TCF4: variants seen among roughly 807,000 people sequenced by gnomAD.
The protein encoded by TCF4 is SL3-3 enhancer factor 2.
In TCF4, 3 loss-of-function variants were observed where a neutral mutation model predicts 82.1. That is an observed-to-expected ratio of 0.04 (90% CI 0.02 to 0.09). The LOEUF (loss-of-function observed/expected upper bound fraction) is 0.09, where lower values mean the gene tolerates loss of function less well. Ranked by LOEUF, TCF4 falls within the 10% of genes least tolerant of loss-of-function variation. TCF4 has a pLI of 1.00. For missense variants in TCF4, 518 were observed against 852.7 expected, an observed-to-expected ratio of 0.61 and a Z score of 4.89; for synonymous variants, 276 against 309.6, an observed-to-expected ratio of 0.89 and a Z score of 1.14.
chr18:55,503,205 T>G (rs938341183), intron 3 of TCF4, among the ~76,000 whole-genome samples: 1 of 152,194 alleles, frequency 6.6e-6, no homozygotes, highest in Non-Finnish European at 1.5e-5. Flanking sequence ...TGTGTCAAAC[T>G]TTGAAGGTCT....
At chr18:55,319,623 C>T (rs1468178697) in intron 8 of TCF4, among the ~76,000 whole-genome samples, 1 of 151,814 alleles carries the variant, frequency 6.6e-6, no homozygotes, top group Non-Finnish European at 1.5e-5. Context: ...TAAAACAGTT[C>T]CTATAAATAC....
In TCF4 at chr18:55,223,273, T is replaced by C. The variant is rs1173394765; in HGVS notation, c.*4762A>G. The C allele has an allele frequency of 6.6e-6, 1 of 152,272 alleles. No homozygotes were observed. Among genetic ancestry groups the C allele is most frequent in the Non-Finnish European group, 1.5e-5 (1 of 68,038 alleles). 9.4% of individuals were successfully genotyped at this position (152,272 alleles called of 1,614,324 possible). A position where few individuals can be genotyped will look rare whatever the true frequency, so the allele number is the denominator to read the frequency against. On this transcript the variant is annotated 3_prime_UTR_variant, in exon 20 of 20. Transcript: ENST00000354452. ...ATTTTCATTAAGGGCATCTCTTCCTTGATCAATCATGTGCTTTGCTTTTCA... is the reference window on the plus strand; with the variant it reads ...ATTTTCATTAAGGGCATCTCTTCCTCGATCAATCATGTGCTTTGCTTTTCA...
At chr18:55,229,308 G>A in intron 17 of TCF4, 1 of 555,266 alleles carries the variant, frequency 1.8e-6, no homozygotes. Context: ...AAACAGGTGA[G>A]GGTGACGTAG....
At chr18:55,465,857 T>A (rs1358768038) in intron 3 of TCF4, among the ~76,000 whole-genome samples, 2 of 152,248 alleles carry the variant, frequency 1.3e-5, no homozygotes, top group African/African-American at 4.8e-5. Context: ...AACAGCCAGC[T>A]TGGATTCATT....
intron 6 of TCF4, among the ~76,000 whole-genome samples, chr18:55,392,753 A>AGTGT (rs141446183): frequency 2.0e-5 from 3 of 151,850 alleles, no homozygotes; most frequent in Admixed American, 6.6e-5. Flanking sequence ...GTCTTATAAC[A>AGTGT]GTGTGTGTGT....
At chr18:55,447,030 G>A (rs2095538710) in intron 5 of TCF4, among the ~76,000 whole-genome samples, 1 of 150,924 alleles carries the variant, frequency 6.6e-6, no homozygotes, top group African/African-American at 2.4e-5. Flanking sequence ...TCTTAGCCAA[G>A]CTGGACACAG....
intron 6 of TCF4, chr18:55,401,237 C>T (rs2093798323): frequency 1.7e-6 from 2 of 1,189,772 alleles, no homozygotes; most frequent in East Asian, 5.8e-5. Flanking sequence ...TCTTCAGTCC[C>T]TATTTTCCCT....
chr18:55,625,509 T>C (rs549053593), intron 2 of TCF4, among the ~76,000 whole-genome samples: 42 of 152,294 alleles, frequency 2.8e-4, no homozygotes, highest in African/African-American at 1.0e-3. Context: ...AGTGCTGGGA[T>C]TGCAAGCGTG....
At chr18:55,402,520 G>A (rs2093883005) in intron 6 of TCF4, among the ~76,000 whole-genome samples, 1 of 151,530 alleles carries the variant, frequency 6.6e-6, no homozygotes, top group African/African-American at 2.4e-5. Flanking sequence ...CATTTTGTTT[G>A]CGTGAATAAT....
chr18:55,489,983 G>A (rs962060501), intron 3 of TCF4, among the ~76,000 whole-genome samples: 1 of 152,120 alleles, frequency 6.6e-6, no homozygotes, highest in East Asian at 1.9e-4. Context: ...TTCTCCACAC[G>A]CACCAAAATA....
At chr18:55,320,672 C>T (rs1246925299) in intron 8 of TCF4, among the ~76,000 whole-genome samples, 1 of 152,194 alleles carries the variant, frequency 6.6e-6, no homozygotes, top group African/African-American at 2.4e-5. Flanking sequence ...GCCCAACTAT[C>T]CCTGATTAAG....
chr18:55,459,972 C>T (rs1383265069), intron 5 of TCF4, among the ~76,000 whole-genome samples: 1 of 151,996 alleles, frequency 6.6e-6, no homozygotes, highest in Non-Finnish European at 1.5e-5. Flanking sequence ...ATCTGAAATC[C>T]ATTTAGATGG....
chr18:55,610,417 G>C (rs746639185), intron 2 of TCF4, among the ~76,000 whole-genome samples: 18 of 152,164 alleles, frequency 1.2e-4, no homozygotes, highest in Non-Finnish European at 2.1e-4. Flanking sequence ...GATGCCACAG[G>C]ACATGGAGGC....
chr18:55,563,038 C>T (rs1020613946), intron 3 of TCF4, among the ~76,000 whole-genome samples: 7 of 152,094 alleles, frequency 4.6e-5, no homozygotes, highest in South Asian at 2.1e-4. Flanking sequence ...CTACGAGTTA[C>T]GGACCAGCCT....
At chr18:55,570,857 T>C (rs2097457480) in intron 3 of TCF4, among the ~76,000 whole-genome samples, 1 of 139,004 alleles carries the variant, frequency 7.2e-6, no homozygotes, top group South Asian at 2.2e-4. Context: ...CCTCCAAGCC[T>C]GAGCAACAGA....
chr18:55,353,840 T>C (rs116673048), intron 6 of TCF4, among the ~76,000 whole-genome samples: 205 of 152,328 alleles, frequency 1.3e-3, no homozygotes, highest in African/African-American at 4.7e-3. Flanking sequence ...TATATAGATA[T>C]AGCTCTGAAG....
intron 3 of TCF4, among the ~76,000 whole-genome samples, chr18:55,578,861 T>C (rs1323728716): frequency 6.6e-6 from 1 of 152,038 alleles, no homozygotes; most frequent in African/African-American, 2.4e-5. Context: ...TAAATGTTAA[T>C]TGTCACACAA....
intron 3 of TCF4, among the ~76,000 whole-genome samples, chr18:55,524,835 A>C (rs2096964695): frequency 6.6e-6 from 1 of 152,196 alleles, no homozygotes; most frequent in African/African-American, 2.4e-5. Flanking sequence ...AAGAATAAAA[A>C]GTAACCAAAG....
At chr18:55,384,807 G>A (rs2092431578) in intron 6 of TCF4, among the ~76,000 whole-genome samples, 2 of 152,106 alleles carry the variant, frequency 1.3e-5, no homozygotes, top group South Asian at 4.1e-4. Context: ...CCTCAATATT[G>A]GCGGTGGGGT....
Sources: gnomAD v4.1 joint callset for allele counts (sites outside exome capture counted in the v4.1 genomes callset) on GRCh38, gnomAD v4.1.1 for gene constraint, MANE v1.5 for transcripts, NCBI Gene and HGNC (gene_info 2026-07-23, HGNC 2026-07-21) for gene names.